Variants in CDH19 observed in about 807,000 individuals in gnomAD.
CDH19 encodes the protein cadherin-19.
In CDH19, 67 loss-of-function variants were observed where a neutral mutation model predicts 64.2. That is an observed-to-expected ratio of 1.04 (90% CI 0.86 to 1.28). The LOEUF is 1.28. Ranked by LOEUF, CDH19 falls within the 50% of genes most tolerant of loss-of-function variation. The probability of loss-of-function intolerance (pLI) is 0.00; values close to 1 mark genes in which losing one functional copy is unlikely to be tolerated. For synonymous variants in CDH19, 346 were observed against 319.3 expected, an observed-to-expected ratio of 1.08 and a Z score of -0.89; for missense variants, 1,030 against 929.0, an observed-to-expected ratio of 1.11 and a Z score of -1.41.
chr18:66,600,560 G>A (rs1242266951), intron 1 of CDH19, among the ~76,000 whole-genome samples: 3 of 151,710 alleles, frequency 2.0e-5, no homozygotes, highest in African/African-American at 4.8e-5. Context: ...TGACAACATC[G>A]CTTTGTATCT....
At chr18:66,562,916 G>A (rs1987774608) in intron 3 of CDH19, among the ~76,000 whole-genome samples, 2 of 152,112 alleles carry the variant, frequency 1.3e-5, no homozygotes, top group Non-Finnish European at 2.9e-5. Flanking sequence ...CTGAGGTAAA[G>A]GTAGTGTAAC....
intron 1 of CDH19, among the ~76,000 whole-genome samples, chr18:66,598,039 A>T (rs1045948204): frequency 2.0e-5 from 3 of 151,542 alleles, no homozygotes; most frequent in Non-Finnish European, 3.0e-5. Flanking sequence ...CTTACAGTAT[A>T]AAAAAAAATA....
chr18:66,589,337 T>G (rs1988676391), intron 1 of CDH19, among the ~76,000 whole-genome samples: 1 of 151,632 alleles, frequency 6.6e-6, no homozygotes, highest in African/African-American at 2.4e-5. Context: ...ACAGTGTATT[T>G]CATTTTCCCA....
chr18:66,576,249 G>A (rs1988262760), intron 1 of CDH19, among the ~76,000 whole-genome samples: 1 of 150,890 alleles, frequency 6.6e-6, no homozygotes, highest in Admixed American at 6.6e-5. Context: ...TATGAGATGA[G>A]GATTATTAGA....
At chr18:66,532,489 T>TACACACGC (rs1986487815) in intron 8 of CDH19, 1 of 146,236 alleles carries the variant, frequency 6.8e-6, no homozygotes, top group African/African-American at 2.7e-5. Flanking sequence ...AGAGCATTCA[T>TACACACGC]ACACACACAC....
chr18:66,596,848 C>A (rs181273608), intron 1 of CDH19, among the ~76,000 whole-genome samples: 8 of 150,942 alleles, frequency 5.3e-5, no homozygotes, highest in Non-Finnish European at 1.2e-4. Context: ...TTTGGGAGGC[C>A]GAGGCGGGCG....
rs926230270 is a variant in CDH19 at position 66,502,493 on chromosome 18, C to A, written c.*2319G>T. On this transcript the variant is annotated 3_prime_UTR_variant, in exon 12 of 12. Transcript: ENST00000262150. Reference sequence around the variant, plus strand: ...CAAAATTTCCGTCATCTCCAGAAAGCCTTATTTACTTTTTCTCGTCTATTT... The same window carrying A: ...CAAAATTTCCGTCATCTCCAGAAAGACTTATTTACTTTTTCTCGTCTATTT... 1 of 151,850 alleles carries A rather than the reference C, an allele frequency of 6.6e-6. No homozygotes were observed. The highest frequency in any genetic ancestry group is 2.4e-5 in the African/African-American group (1 of 41,412). The allele number at this position is 151,850 out of a possible 1,614,324, so 9.4% of individuals were successfully genotyped here. A position where few individuals can be genotyped will look rare whatever the true frequency, so the allele number is the denominator to read the frequency against.
chr18:66,599,392 C>G (rs965012113), intron 1 of CDH19, among the ~76,000 whole-genome samples: 1 of 151,862 alleles, frequency 6.6e-6, no homozygotes. Context: ...CTGGTATTTA[C>G]AGAGGCTGGT....
intron 9 of CDH19, among the ~76,000 whole-genome samples, chr18:66,514,584 A>AT (rs1985649605): frequency 6.6e-6 from 1 of 151,468 alleles, no homozygotes; most frequent in Non-Finnish European, 1.5e-5. Context: ...TGAAATTAAT[A>AT]TTTTGTAGAT....
Position 66,590,710 on chromosome 18 carries a change from T to A in CDH19, c.-113+13244A>T, listed in dbSNP as rs187324713. Among the ~76,000 whole-genome samples the A allele has an allele frequency of 4.0e-3, 610 of 152,086 alleles. 5 individuals carry two copies. Among genetic ancestry groups the A allele is most frequent in the Middle Eastern group, 6.8e-3 (2 of 294 alleles). ...CAAATGTTATCACTATGTAAAGTAT[T>A]TCCTAAAATGAACTCAAAATTGAAA... On this transcript the variant is annotated intron_variant, in intron 1 of 11. Transcript: ENST00000262150.
At chr18:66,564,091 CTGAG>C (rs1987818979) in intron 3 of CDH19, among the ~76,000 whole-genome samples, 2 of 151,470 alleles carry the variant, frequency 1.3e-5, no homozygotes, top group East Asian at 1.9e-4. Flanking sequence ...TTTTATTTTC[CTGAG>C]TATTAACTGA....
At chr18:66,560,920 A>T (rs1987697984) in intron 3 of CDH19, among the ~76,000 whole-genome samples, 1 of 152,130 alleles carries the variant, frequency 6.6e-6, no homozygotes, top group Non-Finnish European at 1.5e-5. Flanking sequence ...GGAAATAGGT[A>T]TTTCTAACAA....
intron 7 of CDH19, among the ~76,000 whole-genome samples, chr18:66,542,439 G>A (rs1006331546): frequency 6.6e-6 from 1 of 152,120 alleles, no homozygotes; most frequent in African/African-American, 2.4e-5. Flanking sequence ...TACGTAACAA[G>A]CTTTGGTTTT....
chr18:66,578,035 T>C (rs1245162678), intron 1 of CDH19, among the ~76,000 whole-genome samples: 1 of 151,944 alleles, frequency 6.6e-6, no homozygotes, highest in Non-Finnish European at 1.5e-5. Flanking sequence ...ACACTTATAA[T>C]TTCCTTTAAA....
At chr18:66,538,162 A>G (rs1171120919) in intron 7 of CDH19, among the ~76,000 whole-genome samples, 1 of 151,866 alleles carries the variant, frequency 6.6e-6, no homozygotes, top group Non-Finnish European at 1.5e-5. Context: ...CTGAACAGCT[A>G]TTTTTTTCTC....
At chr18:66,590,339 T>C (rs912897013) in intron 1 of CDH19, among the ~76,000 whole-genome samples, 1 of 151,920 alleles carries the variant, frequency 6.6e-6, no homozygotes, top group African/African-American at 2.4e-5. Context: ...AATAATTCTA[T>C]AGTATATGTT....
At chr18:66,578,093 C>G (rs1445323471) in intron 1 of CDH19, among the ~76,000 whole-genome samples, 1 of 151,932 alleles carries the variant, frequency 6.6e-6, no homozygotes, top group Admixed American at 6.6e-5. Flanking sequence ...AGACCATTAA[C>G]TGAATCTCAT....
At position 66,588,605 on chromosome 18, in the gene CDH19, C is replaced by CATATATATAT. The variant is rs1263242803; in HGVS notation, c.-113+15348_-113+15349insATATATATAT. 7.2e-3 allele frequency among the ~76,000 whole-genome samples: 838 copies of CATATATATAT among 116,262 alleles called. 103 individuals carry two copies. Among genetic ancestry groups the CATATATATAT allele is most frequent in the Middle Eastern group, 0.028 (6 of 218 alleles). The allele number at this position is 116,262 out of a possible 152,430, so 76.3% of individuals were successfully genotyped here. A position where few individuals can be genotyped will look rare whatever the true frequency, so the allele number is the denominator to read the frequency against. On this transcript the variant is annotated intron_variant, in intron 1 of 11. Transcript: ENST00000262150. ...AATGATCTTACTCATTTTTACTAAT[C>CATATATATAT]ATATATATCTATATCTATATCTATA...
chr18:66,532,489 T>TACACTCACACAC lies in CDH19; in HGVS notation c.1336+2496_1336+2497insGTGTGTGAGTGT, dbSNP rs1555685600. ...TTCCTTCCTTTTCTCAGAGCATTCA[T>TACACTCACACAC]ACACACACACACACACACACACACA... On this transcript the variant is annotated intron_variant, in intron 8 of 11. Transcript: ENST00000262150. The TACACTCACACAC allele has an allele frequency of 5.3e-4, 78 of 146,742 alleles. 1 individual carries two copies. The highest frequency in any genetic ancestry group is 2.9e-3 in the South Asian group (16 of 5,606). 9.1% of individuals were successfully genotyped at this position (146,742 alleles called of 1,614,324 possible).
Sources: gnomAD v4.1 joint callset for allele counts (sites outside exome capture counted in the v4.1 genomes callset) on GRCh38, gnomAD v4.1.1 for gene constraint, MANE v1.5 for transcripts, NCBI Gene and HGNC (gene_info 2026-07-23, HGNC 2026-07-21) for gene names.